GALM: variants seen among roughly 807,000 people sequenced by gnomAD.
The protein encoded by GALM is galactose mutarotase, also known as aldose 1-epimerase.
In GALM, 43 loss-of-function variants were observed where a neutral mutation model predicts 37.4. The observed-to-expected ratio is 1.15, with a 90% CI of 0.90 to 1.48. The LOEUF is 1.48. GALM is among the 40% of genes most tolerant of loss of function. GALM has a pLI of 0.00. For synonymous variants in GALM, 199 were observed against 170.6 expected, an observed-to-expected ratio of 1.17 and a Z score of -1.30; for missense variants, 456 against 419.1, an observed-to-expected ratio of 1.09 and a Z score of -0.77.
At chr2:38,705,162 C>G (rs1666012206) in intron 4 of GALM, among the ~76,000 whole-genome samples, 1 of 152,144 alleles carries the variant, frequency 6.6e-6, no homozygotes, top group South Asian at 2.1e-4. Flanking sequence ...GTTGATGGTT[C>G]ACATCTACCC....
chr2:38,708,147 T>A (rs1400305841), intron 4 of GALM, among the ~76,000 whole-genome samples: 1 of 120,892 alleles, frequency 8.3e-6, no homozygotes, highest in Admixed American at 8.3e-5. Flanking sequence ...TAAAATAAAA[T>A]AAAAAAGCCT....
intron 1 of GALM, among the ~76,000 whole-genome samples, chr2:38,675,524 TTGTTTTTTTTTTTTTTTTTTGTGTG>T (rs1187822232): frequency 1.0e-5 from 1 of 96,846 alleles, no homozygotes; most frequent in African/African-American, 4.7e-5. Flanking sequence ...GAGGGTTTTT[TTGTTTTTTTTTTTTTTTTTTGTGTG>T]TGTGTGTGTG....
intron 6 of GALM, among the ~76,000 whole-genome samples, chr2:38,732,464 A>G (rs1025331972): frequency 6.6e-6 from 1 of 152,182 alleles, no homozygotes. Context: ...GTACCTTCAA[A>G]GCCTTTATCC....
intron 4 of GALM, among the ~76,000 whole-genome samples, chr2:38,700,565 T>C (rs1256390617): frequency 6.6e-6 from 1 of 152,160 alleles, no homozygotes; most frequent in African/African-American, 2.4e-5. Context: ...TTGCTTTTGG[T>C]TTCTGTTTGC....
chr2:38,684,328 G>A (rs936541994), intron 3 of GALM, among the ~76,000 whole-genome samples: 3 of 150,214 alleles, frequency 2.0e-5, no homozygotes, highest in African/African-American at 7.3e-5. Flanking sequence ...TTATTTTTCT[G>A]TTCCTTCCTG....
At chr2:38,716,972 C>T (rs771339521) in intron 4 of GALM, among the ~76,000 whole-genome samples, 4 of 152,186 alleles carry the variant, frequency 2.6e-5, no homozygotes, top group African/African-American at 9.7e-5. Context: ...GCTATGGGGC[C>T]GGGCACAGTG....
intron 4 of GALM, among the ~76,000 whole-genome samples, chr2:38,691,739 T>TTA (rs1340485383): frequency 1.2e-4 from 18 of 150,892 alleles, no homozygotes; most frequent in South Asian, 4.2e-4. Flanking sequence ...TTTTTTTTTT[T>TTA]AAAAAAGACC....
At chr2:38,710,839 C>A (rs569263029) in intron 4 of GALM, among the ~76,000 whole-genome samples, 3 of 151,414 alleles carry the variant, frequency 2.0e-5, no homozygotes, top group Non-Finnish European at 2.9e-5. Flanking sequence ...CTGCAACCTC[C>A]GCCTCCTGGG....
At position 38,733,502 on chromosome 2, in the gene GALM, T is replaced by C. The variant is rs1187127220; in HGVS notation, c.966T>C (p.Pro322=). 2.5e-6 allele frequency: 4 copies of C among 1,613,850 alleles called. No homozygotes were observed. In the African/African-American group the frequency reaches 4.0e-5, roughly 16 times the overall value. Residue 322 remains proline, a synonymous_variant, in exon 7 of 7, where the codon CCT becomes CCC. Coordinates refer to ENST00000272252, the MANE Select transcript of GALM (RefSeq NM_138801.3). Reference sequence around the variant, plus strand: ...CCCCTTCACAGCCCCGCTTCCCTCCTGTGCTGCTGAGGCCTGGTGAGGAGT... The same window carrying C: ...CCCCTTCACAGCCCCGCTTCCCTCCCGTGCTGCTGAGGCCTGGTGAGGAGT... ...PDAVNQPRFP[P]VLLRPGEEYD...
intron 1 of GALM, chr2:38,671,323 T>C (rs1335801654): frequency 2.0e-5 from 3 of 152,230 alleles, no homozygotes; most frequent in Non-Finnish European, 4.4e-5. Context: ...GACTGGGTAA[T>C]TTATAAAGAA....
intron 5 of GALM, among the ~76,000 whole-genome samples, chr2:38,730,239 T>C (rs1666575095): frequency 6.6e-6 from 1 of 152,176 alleles, no homozygotes; most frequent in Non-Finnish European, 1.5e-5. Context: ...TAGCAAATAA[T>C]GAATAAATGT....
intron 1 of GALM, among the ~76,000 whole-genome samples, chr2:38,675,196 T>G (rs1315215330): frequency 2.0e-5 from 3 of 152,004 alleles, no homozygotes; most frequent in Non-Finnish European, 2.9e-5. Context: ...CCACAACAAA[T>G]AGTTTTATAA....
At chr2:38,673,719 A>G (rs1281222339) in intron 1 of GALM, among the ~76,000 whole-genome samples, 1 of 151,400 alleles carries the variant, frequency 6.6e-6, no homozygotes, top group Non-Finnish European at 1.5e-5. Context: ...CTGAGGCAGG[A>G]GAATGGCGTG....
intron 1 of GALM, among the ~76,000 whole-genome samples, chr2:38,670,896 T>A (rs898221094): frequency 6.6e-6 from 1 of 152,246 alleles, no homozygotes; most frequent in Non-Finnish European, 1.5e-5. Flanking sequence ...TAAGTCATTC[T>A]GTGAATGGGG....
chr2:38,719,988 G>T (rs534367567), intron 4 of GALM, among the ~76,000 whole-genome samples: 1 of 151,996 alleles, frequency 6.6e-6, no homozygotes, highest in East Asian at 1.9e-4. Context: ...GATTGCTTGA[G>T]CCTAGGAGTT....
chr2:38,674,402 A>T (rs1572510542), intron 1 of GALM, among the ~76,000 whole-genome samples: 1 of 151,998 alleles, frequency 6.6e-6, no homozygotes, highest in Admixed American at 6.6e-5. Context: ...GTTGGCCAGG[A>T]TGGTCTCAAT....
intron 1 of GALM, among the ~76,000 whole-genome samples, chr2:38,671,651 C>G (rs769482986): frequency 1.3e-5 from 2 of 152,154 alleles, no homozygotes; most frequent in Non-Finnish European, 2.9e-5. Flanking sequence ...TTTATTTGTT[C>G]TAAAGGGTTT....
At chr2:38,668,436 C>G (rs1317694770) in intron 1 of GALM, 7 of 152,124 alleles carry the variant, frequency 4.6e-5, no homozygotes, top group African/African-American at 1.7e-4. Context: ...CACTCTGTTA[C>G]TATTTTGATG....
At chr2:38,668,190 T>A (rs1220466105) in intron 1 of GALM, 1 of 152,206 alleles carries the variant, frequency 6.6e-6, no homozygotes, top group Non-Finnish European at 1.5e-5. Context: ...TTTTTATGTA[T>A]TTTTTATTTT....
Sources: allele counts gnomAD v4.1 joint callset (sites outside exome capture counted in the v4.1 genomes callset), GRCh38; gene constraint gnomAD v4.1.1; transcripts MANE v1.5; gene names NCBI Gene and HGNC (gene_info 2026-07-23, HGNC 2026-07-21).